Variants in BFSP2 observed in about 807,000 individuals in gnomAD.
The protein encoded by BFSP2 is beaded filament structural protein 2.
BFSP2 carries 38 observed loss-of-function variants against 44.9 expected under a neutral mutation model. The ratio of observed to expected loss-of-function variants is 0.85; its 90% CI spans 0.65 to 1.11. The LOEUF (loss-of-function observed/expected upper bound fraction) is 1.11. Ranked by LOEUF, BFSP2 falls within the 50% of genes least tolerant of loss-of-function variation. The pLI, the probability that BFSP2 is intolerant of heterozygous loss-of-function variation, is 0.00. For synonymous variants in BFSP2, 197 were observed against 209.9 expected, an observed-to-expected ratio of 0.94 and a Z score of 0.53; for missense variants, 525 against 533.0, an observed-to-expected ratio of 0.99 and a Z score of 0.15.
chr3:133,431,022 A>G (rs2073710907), intron 1 of BFSP2, among the ~76,000 whole-genome samples: 1 of 151,908 alleles, frequency 6.6e-6, no homozygotes, highest in Non-Finnish European at 1.5e-5. Context: ...TTTACCCCAA[A>G]TCAGATAGCG....
intron 1 of BFSP2, among the ~76,000 whole-genome samples, chr3:133,424,224 T>TG (rs1553778837): frequency 9.5e-5 from 12 of 126,830 alleles, no homozygotes; most frequent in South Asian, 4.7e-4. Context: ...TTTTTTTTTT[T>TG]TTTTTTTTTT....
chr3:133,407,710 A>G (rs1406271785), intron 1 of BFSP2, among the ~76,000 whole-genome samples: 43 of 152,348 alleles, frequency 2.8e-4, no homozygotes, highest in Admixed American at 2.8e-3. Context: ...AGAATAGAAC[A>G]TTCTATAGTA....
chr3:133,442,655 G>C (rs1228437171), intron 1 of BFSP2, among the ~76,000 whole-genome samples: 1 of 152,070 alleles, frequency 6.6e-6, no homozygotes, highest in Admixed American at 6.6e-5. Context: ...TGTCAAGAGA[G>C]GTAGAGAGAA....
chr3:133,426,053 T>A (rs1424130119), intron 1 of BFSP2, among the ~76,000 whole-genome samples: 1 of 106,824 alleles, frequency 9.4e-6, no homozygotes, highest in Admixed American at 9.9e-5. Flanking sequence ...AAGCTCTTCC[T>A]TGTCAGATAT....
At chr3:133,440,336 A>G (rs997513433) in intron 1 of BFSP2, among the ~76,000 whole-genome samples, 1 of 152,244 alleles carries the variant, frequency 6.6e-6, no homozygotes, top group African/African-American at 2.4e-5. Flanking sequence ...CAACCATATC[A>G]GCAGGAGATG....
At position 133,448,551 on chromosome 3, in the gene BFSP2, T is replaced by G; in HGVS notation, c.635T>G (p.Val212Gly). Residue 212 changes from valine to glycine, a missense_variant, in exon 3 of 7, where the codon GTC (valine) becomes GGC (glycine). Physicochemically the swap from Val to Gly is moderately radical, Grantham distance 109. Transcript: ENST00000302334. The part of the protein sequence containing the change: ...AEEEINSLYK[V>G]IDEANLTKMD... ...GAGGAAATTAACTCTCTGTATAAAG[T>G]CATTGATGAGGCTAATTTGACTAAA... 3 of 1,614,106 alleles carry G rather than the reference T, an allele frequency of 1.9e-6. No homozygotes were observed. Among genetic ancestry groups the G allele is most frequent in the Non-Finnish European group, 2.5e-6 (3 of 1,180,012 alleles).
At chr3:133,402,482 C>T (rs1039956385) in intron 1 of BFSP2, among the ~76,000 whole-genome samples, 4 of 152,064 alleles carry the variant, frequency 2.6e-5, no homozygotes, top group Admixed American at 6.5e-5. Context: ...AGACATGCGA[C>T]CTCTGTAGTT....
At chr3:133,430,525 C>G (rs1198666116) in intron 1 of BFSP2, among the ~76,000 whole-genome samples, 1 of 152,126 alleles carries the variant, frequency 6.6e-6, no homozygotes, top group Non-Finnish European at 1.5e-5. Context: ...CCGCTTGACC[C>G]CAATACATAC....
chr3:133,449,897 AGGAAG>A (rs1422053804), intron 3 of BFSP2, among the ~76,000 whole-genome samples: 2 of 151,326 alleles, frequency 1.3e-5, no homozygotes, highest in Non-Finnish European at 2.9e-5. Context: ...AAAAAAAAGA[AGGAAG>A]GAAGGAAGGA....
At chr3:133,424,738 C>T (rs1189445139) in intron 1 of BFSP2, among the ~76,000 whole-genome samples, 3 of 152,204 alleles carry the variant, frequency 2.0e-5, no homozygotes, top group Non-Finnish European at 4.4e-5. Context: ...TGGATTCAAG[C>T]AATTCTCATG....
In BFSP2 at chr3:133,414,007, C is replaced by T. The variant is rs183528095; in HGVS notation, c.489+13435C>T. On this transcript the variant is annotated intron_variant, in intron 1 of 6. Coordinates refer to ENST00000302334, the MANE Select transcript of BFSP2 (RefSeq NM_003571.4). Reference sequence around the variant, plus strand: ...CCCTGTACTCACGCCCTACTCATCCCTGTCCGCTCCCGTCTACTCACCCCT... The same window carrying T: ...CCCTGTACTCACGCCCTACTCATCCTTGTCCGCTCCCGTCTACTCACCCCT... 3.3e-3 allele frequency among the ~76,000 whole-genome samples: 497 copies of T among 150,498 alleles called. 3 individuals are homozygous for T. The highest frequency in any genetic ancestry group is 0.021 in the South Asian group (101 of 4,734).
intron 1 of BFSP2, 88 bp from the exon 2 acceptor site, chr3:133,447,229 A>G: frequency 2.2e-6 from 3 of 1,378,788 alleles, no homozygotes; most frequent in Non-Finnish European, 3.1e-6. Flanking sequence ...GGTCCCCCAG[A>G]GCCTCTGTGC....
At chr3:133,443,208 G>A (rs2073862584) in intron 1 of BFSP2, among the ~76,000 whole-genome samples, 1 of 152,308 alleles carries the variant, frequency 6.6e-6, no homozygotes, top group African/African-American at 2.4e-5. Context: ...TGAGATGTCT[G>A]AGAAATAGCC....
At chr3:133,462,024 G>T (rs1261013059) in intron 4 of BFSP2, among the ~76,000 whole-genome samples, 1 of 151,078 alleles carries the variant, frequency 6.6e-6, no homozygotes, top group Non-Finnish European at 1.5e-5. Context: ...CTGTTTCATT[G>T]GTTTCTGCAG....
chr3:133,433,778 C>T (rs2073753146), intron 1 of BFSP2, among the ~76,000 whole-genome samples: 1 of 152,182 alleles, frequency 6.6e-6, no homozygotes, highest in Non-Finnish European at 1.5e-5. Context: ...AAACACACCT[C>T]ACCAAGCTCA....
intron 4 of BFSP2, among the ~76,000 whole-genome samples, chr3:133,461,267 T>C (rs2074059277): frequency 6.6e-6 from 1 of 152,226 alleles, no homozygotes; most frequent in Non-Finnish European, 1.5e-5. Flanking sequence ...CACATTGCTT[T>C]TCTCTTCTCA....
intron 1 of BFSP2, among the ~76,000 whole-genome samples, chr3:133,428,256 C>T (rs2073672462): frequency 6.6e-6 from 1 of 152,102 alleles, no homozygotes; most frequent in African/African-American, 2.4e-5. Flanking sequence ...CTGGAGAAAC[C>T]CGCAAGAGGC....
chr3:133,413,212 T>C (rs891087773), intron 1 of BFSP2, among the ~76,000 whole-genome samples: 3 of 151,954 alleles, frequency 2.0e-5, no homozygotes, highest in African/African-American at 7.3e-5. Flanking sequence ...CAGTGGCTTT[T>C]GGGGTGGGGG....
intron 2 of BFSP2, among the ~76,000 whole-genome samples, chr3:133,447,870 G>A (rs2073917885): frequency 6.6e-6 from 1 of 152,190 alleles, no homozygotes; most frequent in African/African-American, 2.4e-5. Flanking sequence ...AAATGTCAGT[G>A]CAGTGCACAA....
Sources: gnomAD v4.1 joint callset for allele counts (sites outside exome capture counted in the v4.1 genomes callset) on GRCh38, gnomAD v4.1.1 for gene constraint, MANE v1.5 for transcripts, NCBI Gene and HGNC (gene_info 2026-07-23, HGNC 2026-07-21) for gene names.